The following CHRDL1 variants were observed in gnomAD, a reference collection of about 807,000 sequenced individuals.
CHRDL1 encodes chordin like 1, also known as chordin-like protein 1.
In CHRDL1, 19 loss-of-function variants were observed where a neutral mutation model predicts 40.9. That is an observed-to-expected ratio of 0.46 (90% CI 0.32 to 0.68). CHRDL1 has a LOEUF of 0.68. Ranked by LOEUF, CHRDL1 falls within the 30% of genes least tolerant of loss-of-function variation. The pLI is 0.03. For synonymous variants in CHRDL1, 136 were observed against 123.4 expected (o/e 1.10, Z -0.68); for missense variants, 329 against 352.1 (o/e 0.93, Z 0.53).
chrX:110,690,499 T>C (rs2070253943), intron 8 of CHRDL1, among the ~76,000 whole-genome samples: 2 of 110,883 alleles, frequency 1.8e-5, no homozygotes, highest in African/African-American at 3.3e-5. Flanking sequence ...GAAAATTTCC[T>C]TGGGAGATTT....
chrX:110,711,158 C>T (rs1347494960), intron 6 of CHRDL1, among the ~76,000 whole-genome samples: 3 of 111,608 alleles, frequency 2.7e-5, no homozygotes, highest in Non-Finnish European at 3.8e-5. Flanking sequence ...TTACTTTTAA[C>T]GTGTTTTTAA....
intron 4 of CHRDL1, among the ~76,000 whole-genome samples, chrX:110,748,749 C>T (rs920065009): frequency 8.9e-6 from 1 of 112,275 alleles, no homozygotes; most frequent in African/African-American, 3.2e-5. Flanking sequence ...AGGATAAATA[C>T]GGCATAATGC....
chrX:110,700,863 C>T (rs931408881), intron 6 of CHRDL1, 142 bp from the exon 7 acceptor site: 8 of 415,986 alleles, frequency 1.9e-5, no homozygotes, highest in South Asian at 5.5e-5. Flanking sequence ...CTTCAAAAAG[C>T]GGCTGTGAAA....
intron 6 of CHRDL1, among the ~76,000 whole-genome samples, chrX:110,713,022 T>C (rs1173379347): frequency 9.0e-6 from 1 of 111,144 alleles, no homozygotes; most frequent in Non-Finnish European, 1.9e-5. Context: ...CAGGAGTGTA[T>C]GACTGCCACC....
intron 6 of CHRDL1, among the ~76,000 whole-genome samples, chrX:110,707,813 G>A (rs1047415729): frequency 8.9e-6 from 1 of 111,785 alleles, no homozygotes; most frequent in African/African-American, 3.3e-5. Context: ...TTAAACTAAC[G>A]AGCTTCTTCA....
At chrX:110,689,460 A>ATATATCTC (rs2070120884) in intron 8 of CHRDL1, among the ~76,000 whole-genome samples, 1 of 52,419 alleles carries the variant, frequency 1.9e-5, no homozygotes, top group Non-Finnish European at 2.8e-5. Flanking sequence ...CTATATATCT[A>ATATATCTC]TATATATCTA....
intron 9 of CHRDL1, among the ~76,000 whole-genome samples, chrX:110,688,259 T>C (rs925443443): frequency 9.0e-6 from 1 of 111,056 alleles, no homozygotes; most frequent in African/African-American, 3.3e-5. Context: ...GATTGTACTT[T>C]GATGGGTTTA....
chrX:110,793,939 G>A (rs1447297676), intron 1 of CHRDL1, among the ~76,000 whole-genome samples: 3 of 112,382 alleles, frequency 2.7e-5, no homozygotes, highest in South Asian at 3.7e-4. Context: ...GGTAACTAGA[G>A]AGCAATTAAT....
At position 110,773,418 on chromosome X, in the gene CHRDL1, C is replaced by T. The variant is rs2089792271; in HGVS notation, c.95-10611G>A. The stretch of plus-strand genomic sequence containing the variant: ...TCTGTTACTGATTTCTAGTTTAATT[C>T]CAGTATGGTGTAGAAGTATATATTG... On this transcript the variant is annotated intron_variant, in intron 2 of 11. Transcript: ENST00000372042. 2.7e-5 allele frequency among the ~76,000 whole-genome samples: 3 copies of T among 111,525 alleles called. No homozygotes were observed. The Admixed American group carries it at 2.9e-4, about 11-fold the overall frequency.
At chrX:110,697,862 ACACACACACACACACACG>A (rs2070429040) in intron 7 of CHRDL1, among the ~76,000 whole-genome samples, 2 of 100,499 alleles carry the variant, frequency 2.0e-5, no homozygotes, top group Admixed American at 2.1e-4. Flanking sequence ...ACACACACAC[ACACACACACACACACACG>A]CAGACACACT....
chrX:110,715,897 A>T (rs1002937468), intron 6 of CHRDL1, among the ~76,000 whole-genome samples: 5 of 112,425 alleles, frequency 4.4e-5, no homozygotes, highest in Non-Finnish European at 9.4e-5. Context: ...GAGGAACAAA[A>T]TATCCATCTT....
intron 11 of CHRDL1, among the ~76,000 whole-genome samples, chrX:110,677,925 C>T (rs1022767956): frequency 1.8e-5 from 2 of 111,312 alleles, no homozygotes; most frequent in Non-Finnish European, 1.9e-5. Context: ...AAACTCGTTT[C>T]TCTCTTTGAT....
At chrX:110,768,565 G>A (rs1283300440) in intron 2 of CHRDL1, among the ~76,000 whole-genome samples, 4 of 111,028 alleles carry the variant, frequency 3.6e-5, no homozygotes, top group African/African-American at 9.8e-5. Context: ...AGAAAAAGCA[G>A]GTAGAAGAAG....
At chrX:110,774,100 A>G (rs2089805418) in intron 2 of CHRDL1, among the ~76,000 whole-genome samples, 1 of 111,674 alleles carries the variant, frequency 9.0e-6, no homozygotes, top group South Asian at 3.8e-4. Context: ...TGGAGAATAT[A>G]CCCCTTTATT....
intron 2 of CHRDL1, among the ~76,000 whole-genome samples, chrX:110,769,933 T>G (rs1289652046): frequency 8.9e-6 from 1 of 112,571 alleles, no homozygotes; most frequent in Non-Finnish European, 1.9e-5. Context: ...ATCAGAAATC[T>G]AAATTAAAAC....
intron 4 of CHRDL1, among the ~76,000 whole-genome samples, chrX:110,758,953 T>G (rs1413082015): frequency 8.9e-6 from 1 of 111,774 alleles, no homozygotes; most frequent in African/African-American, 3.3e-5. Flanking sequence ...GGATTGCCAC[T>G]GGGCCCACAG....
At chrX:110,689,506 A>ATATATCTATCTATATATC (rs1569461652) in intron 8 of CHRDL1, among the ~76,000 whole-genome samples, 1 of 46,503 alleles carries the variant, frequency 2.2e-5, no homozygotes, top group Non-Finnish European at 3.3e-5. Context: ...ATATCTATAT[A>ATATATCTATCTATATATC]TCTATATCTC....
intron 4 of CHRDL1, among the ~76,000 whole-genome samples, chrX:110,729,530 C>T (rs1217765634): frequency 3.6e-5 from 4 of 111,798 alleles, no homozygotes; most frequent in African/African-American, 9.8e-5. Context: ...GTAATTCATA[C>T]TGAAATGAAA....
intron 4 of CHRDL1, among the ~76,000 whole-genome samples, chrX:110,757,392 G>A (rs58811965): frequency 0.028 from 3,069 of 109,559 alleles, 104 homozygotes; most frequent in African/African-American, 0.095. Flanking sequence ...AAAAAAAAAC[G>A]AAGAACCCGC....
Sources: gnomAD v4.1 joint callset for allele counts (sites outside exome capture counted in the v4.1 genomes callset) on GRCh38, gnomAD v4.1.1 for gene constraint, MANE v1.5 for transcripts, NCBI Gene and HGNC (gene_info 2026-07-23, HGNC 2026-07-21) for gene names.